Variants in STAG1 observed in about 807,000 individuals in gnomAD.
STAG1 encodes the protein cohesin subunit SA-1.
A neutral mutation model predicts 170.9 loss-of-function variants in STAG1; 26 were observed. That is an observed-to-expected ratio of 0.15 (90% confidence interval 0.11 to 0.21). The LOEUF (loss-of-function observed/expected upper bound fraction) is 0.21, where lower values mean the gene tolerates loss of function less well. STAG1 is among the 10% of genes least tolerant of loss of function. The pLI, the probability that STAG1 is intolerant of heterozygous loss-of-function variation, is 1.00. For missense variants in STAG1, 964 were observed against 1,509.5 expected (o/e 0.64, Z 5.99); for synonymous variants, 514 against 497.7 (o/e 1.03, Z -0.44).
chr3:136,732,197 T>G (rs112344641), intron 1 of STAG1, among the ~76,000 whole-genome samples: 2 of 150,784 alleles, frequency 1.3e-5, no homozygotes, highest in Non-Finnish European at 2.9e-5. Context: ...CTACACCATG[T>G]TGCCTTTGTA....
intron 9 of STAG1, among the ~76,000 whole-genome samples, chr3:136,490,509 A>T (rs1244061024): frequency 6.6e-6 from 1 of 152,194 alleles, no homozygotes; most frequent in Admixed American, 6.5e-5. Flanking sequence ...ATTACGCCTT[A>T]ATATTTTACT....
intron 15 of STAG1, among the ~76,000 whole-genome samples, chr3:136,442,929 A>G (rs1399785489): frequency 6.6e-6 from 1 of 152,152 alleles, no homozygotes; most frequent in Non-Finnish European, 1.5e-5. Context: ...GGATCCCTTG[A>G]GCCCAGTAGT....
At chr3:136,439,271 A>G (rs2088557685) in intron 15 of STAG1, among the ~76,000 whole-genome samples, 1 of 151,390 alleles carries the variant, frequency 6.6e-6, no homozygotes, top group Admixed American at 6.6e-5. Context: ...GATATCCAGA[A>G]GTTACTTGAT....
intron 9 of STAG1, among the ~76,000 whole-genome samples, chr3:136,494,263 C>T: frequency 6.6e-6 from 1 of 151,892 alleles, no homozygotes; most frequent in Middle Eastern, 3.2e-3. Flanking sequence ...AGACAGAGAC[C>T]CTGTCTCAAG....
chr3:136,358,920 A>G (rs548510969), intron 27 of STAG1, among the ~76,000 whole-genome samples: 1 of 152,290 alleles, frequency 6.6e-6, no homozygotes, highest in South Asian at 2.1e-4. Flanking sequence ...AGACCAGACA[A>G]TAATATGTTA....
chr3:136,652,446 G>A (rs892224304), intron 1 of STAG1, among the ~76,000 whole-genome samples: 4 of 152,132 alleles, frequency 2.6e-5, no homozygotes, highest in African/African-American at 9.7e-5. Context: ...TATATTGTTT[G>A]GTGTTACTTC....
At chr3:136,390,636 A>G (rs2086983922) in intron 22 of STAG1, among the ~76,000 whole-genome samples, 1 of 152,232 alleles carries the variant, frequency 6.6e-6, no homozygotes, top group Admixed American at 6.5e-5. Flanking sequence ...AAGTGAAATA[A>G]AATGCTTACA....
chr3:136,522,812 T>C (rs562563861), intron 6 of STAG1, among the ~76,000 whole-genome samples: 6 of 148,178 alleles, frequency 4.0e-5, no homozygotes, highest in Admixed American at 1.4e-4. Flanking sequence ...AGTGAGAACA[T>C]GCAGTGTTTG....
chr3:136,474,244 T>C (rs1346124178), intron 10 of STAG1, among the ~76,000 whole-genome samples: 1 of 152,196 alleles, frequency 6.6e-6, no homozygotes, highest in African/African-American at 2.4e-5. Context: ...CCTAGAAATC[T>C]AGACAAGTCT....
intron 3 of STAG1, among the ~76,000 whole-genome samples, chr3:136,614,895 T>C (rs932554214): frequency 6.6e-6 from 1 of 152,148 alleles, no homozygotes; most frequent in Non-Finnish European, 1.5e-5. Flanking sequence ...TATTAACTTT[T>C]TTGGGGACTG....
chr3:136,537,023 CTT>C (rs1935667813), intron 6 of STAG1, among the ~76,000 whole-genome samples: 1 of 152,138 alleles, frequency 6.6e-6, no homozygotes, highest in Non-Finnish European at 1.5e-5. Flanking sequence ...TGTATATTTT[CTT>C]TGTTACATTT....
intron 21 of STAG1, among the ~76,000 whole-genome samples, chr3:136,415,690 G>A (rs1222689306): frequency 3.9e-5 from 6 of 152,070 alleles, no homozygotes; most frequent in Non-Finnish European, 8.8e-5. Context: ...CCAAAAATTA[G>A]CCCAGCGTGG....
At chr3:136,705,427 C>G in intron 1 of STAG1, among the ~76,000 whole-genome samples, 1 of 140,202 alleles carries the variant, frequency 7.1e-6, no homozygotes, top group East Asian at 2.2e-4. Flanking sequence ...ACACACACAA[C>G]GAAGTTCAAC....
chr3:136,418,093 C>T, intron 20 of STAG1, 121 bp from the exon 21 acceptor site: 1 of 757,524 alleles, frequency 1.3e-6, no homozygotes, highest in East Asian at 2.8e-5. Flanking sequence ...CTGGCTCACG[C>T]CTGTAATCCC....
intron 1 of STAG1, among the ~76,000 whole-genome samples, chr3:136,701,053 T>C (rs1943043581): frequency 6.6e-6 from 1 of 151,406 alleles, no homozygotes; most frequent in Non-Finnish European, 1.5e-5. Flanking sequence ...GGCTAATTTT[T>C]GTATTTTTAG....
At chr3:136,400,496 T>C (rs930599335) in intron 21 of STAG1, among the ~76,000 whole-genome samples, 8 of 151,608 alleles carry the variant, frequency 5.3e-5, no homozygotes, top group Non-Finnish European at 7.4e-5. Flanking sequence ...GCTAGGACCA[T>C]AGGCGTGAGC....
chr3:136,558,100 T>A (rs890439021), intron 5 of STAG1, among the ~76,000 whole-genome samples: 14 of 152,116 alleles, frequency 9.2e-5, no homozygotes, highest in African/African-American at 2.4e-4. Context: ...AACACTTTTT[T>A]AAAAATCTTG....
At chr3:136,420,476 G>A (rs1190174860) in intron 20 of STAG1, among the ~76,000 whole-genome samples, 1 of 151,976 alleles carries the variant, frequency 6.6e-6, no homozygotes, top group Non-Finnish European at 1.5e-5. Flanking sequence ...GGGATTATAA[G>A]GTGTGAGTCA....
At chr3:136,751,476 G>T (rs1391511009) in intron 1 of STAG1, among the ~76,000 whole-genome samples, 2 of 151,954 alleles carry the variant, frequency 1.3e-5, no homozygotes, top group Admixed American at 6.6e-5. Context: ...TCTCTCAGGG[G>T]ACTGGCAAAC....
Sources: allele counts gnomAD v4.1 joint callset (sites outside exome capture counted in the v4.1 genomes callset), GRCh38; gene constraint gnomAD v4.1.1; transcripts MANE v1.5; gene names NCBI Gene and HGNC (gene_info 2026-07-23, HGNC 2026-07-21).